Variants in USP24 observed in about 807,000 individuals in gnomAD.
USP24 encodes ubiquitin carboxyl-terminal hydrolase 24.
Under a neutral mutation model 361.6 loss-of-function variants are expected in USP24, and 97 were observed. The observed-to-expected ratio is 0.27, with a 90% CI of 0.23 to 0.32. USP24 has a LOEUF of 0.32. USP24 is among the 10% of genes least tolerant of loss of function. The pLI, the probability that USP24 is intolerant of heterozygous loss-of-function variation, is 1.00. For missense variants in USP24, 2,353 were observed against 3,165.6 expected (o/e 0.74, Z 6.16); for synonymous variants, 1,098 against 1,124.6 (o/e 0.98, Z 0.47).
In USP24 at chr1:55,096,951, C is replaced by T. The variant is rs756546831; in HGVS notation, c.5936+1G>A. ...TAAGTGCTGCCTCAGGAAACTCTTA[C>T]CGCCTGTCCTTAATGAAGGAATAGT... On this transcript the variant is annotated splice_donor_variant, in intron 49 of 67. Transcript: ENST00000294383. LOFTEE classifies it high-confidence loss of function. The T allele has an allele frequency of 6.2e-7, 1 of 1,612,732 alleles. No homozygotes were observed. The highest frequency in any genetic ancestry group is 8.5e-7 in the Non-Finnish European group (1 of 1,179,264).
intron 66 of USP24, 60 bp from the exon 67 acceptor site, chr1:55,071,984 C>A (rs779902870): frequency 6.9e-7 from 1 of 1,439,978 alleles, no homozygotes; most frequent in Non-Finnish European, 9.6e-7. Context: ...CAGCAGCAAC[C>A]GCCAGGGAAG....
At chr1:55,175,506 G>A (rs1172190061) in intron 3 of USP24, among the ~76,000 whole-genome samples, 1 of 152,080 alleles carries the variant, frequency 6.6e-6, no homozygotes, top group East Asian at 1.9e-4. Flanking sequence ...GATTACAGGC[G>A]TGAGCAATTG....
chr1:55,079,534 A>G lies in USP24; in HGVS notation c.7200+4T>C, dbSNP rs749806393. 1.9e-6 allele frequency: 3 copies of G among 1,571,154 alleles called. No homozygotes were observed. The highest frequency in any genetic ancestry group is 1.7e-6 in the Non-Finnish European group (2 of 1,166,272). On this transcript the variant is annotated splice_donor_region_variant and intron_variant, in intron 60 of 67. Transcript: ENST00000294383. ...AAAATGGCTTTAGAATAACAAGTACATACCTCTAACAGGTAAGGTTTCCCT... is the reference window on the plus strand; with the variant it reads ...AAAATGGCTTTAGAATAACAAGTACGTACCTCTAACAGGTAAGGTTTCCCT...
intron 28 of USP24, among the ~76,000 whole-genome samples, chr1:55,137,182 T>C (rs1247877602): frequency 6.6e-6 from 1 of 152,082 alleles, no homozygotes; most frequent in African/African-American, 2.4e-5. Flanking sequence ...TTCAATGAAA[T>C]GTCAAGAAGA....
chr1:55,173,479 C>T (rs979834696), intron 3 of USP24, among the ~76,000 whole-genome samples: 54 of 152,014 alleles, frequency 3.6e-4, no homozygotes, highest in African/African-American at 1.2e-3. Flanking sequence ...AGTGCCAGAA[C>T]AAGAAATGAA....
chr1:55,072,883 A>G, intron 64 of USP24, 22 bp from the exon 65 acceptor site: 3 of 1,584,708 alleles, frequency 1.9e-6, no homozygotes, highest in Non-Finnish European at 1.7e-6. Flanking sequence ...GGAGATTTTT[A>G]TTAGCCAAAT....
rs1570471866 is a variant in USP24 at position 55,125,510 on chromosome 1, T to A, written c.3770A>T (p.Asp1257Val). ...TATACCATCTTTGGTGAGGTCTTCA[T>A]CTAATAACGTGGGCATTGTTTGTCC... Reference protein sequence around the residue: ...LVGQTMPTLLDEDLTKDGIEA... With the variant: ...LVGQTMPTLLVEDLTKDGIEA... The change falls in exon 34 of 68, where the codon GAT (aspartate) becomes GTT (valine). Residue 1257 changes from aspartate to valine, a missense_variant. By Grantham distance (152) the Asp-to-Val change is radical (BLOSUM62 -3). Around this residue, in one of 8 missense-constraint regions of USP24, gnomAD observed 949 missense variants for 1,280.5 expected, o/e 0.74. Coordinates refer to ENST00000294383, the MANE Select transcript of USP24 (RefSeq NM_015306.3). 1.2e-6 allele frequency: 2 copies of A among 1,613,966 alleles called. No homozygotes were observed. Among genetic ancestry groups the A allele is most frequent in the East Asian group, 2.2e-5 (1 of 44,880 alleles).
intron 1 of USP24, among the ~76,000 whole-genome samples, chr1:55,188,244 C>T (rs1355819348): frequency 6.6e-6 from 1 of 152,118 alleles, no homozygotes; most frequent in African/African-American, 2.4e-5. Flanking sequence ...GACCCCACCT[C>T]AAGCCACATA....
chr1:55,165,993 A>T lies in USP24; in HGVS notation c.862-43T>A. The T allele has an allele frequency of 1.9e-6, 3 of 1,555,770 alleles. No individual in the cohort carries two copies. In the South Asian group the frequency reaches 3.6e-5, roughly 19 times the overall value. Reference sequence around the variant, plus strand: ...ACACATTAAGTTATTTTTCTCTTTAATTTTTTTATTTTGAAAAATTTCTAT... The same window carrying T: ...ACACATTAAGTTATTTTTCTCTTTATTTTTTTTATTTTGAAAAATTTCTAT... On this transcript the variant is annotated intron_variant, in intron 6 of 67. Transcript: ENST00000294383.
rs750567864 is a variant in USP24 at position 55,132,586 on chromosome 1, C to A, written c.3496G>T (p.Ala1166Ser). 2.5e-6 allele frequency: 4 copies of A among 1,613,614 alleles called. No homozygotes were observed. The Admixed American group carries it at 6.7e-5, about 27-fold the overall frequency. The change falls in exon 31 of 68, where the codon GCC becomes TCC. Residue 1166 changes from alanine to serine, a missense_variant. Physicochemically the swap from Ala to Ser is moderately conservative, Grantham distance 99 (BLOSUM62 1). Coordinates refer to ENST00000294383, the MANE Select transcript of USP24 (RefSeq NM_015306.3). ...ACTCTGAAGGTAGACATTCCCGGGG[C>A]AAAAGATCGAAACAGACTTTCTAAA... ...SILESLFRSF[A>S]PGMSTFRVLY...
intron 34 of USP24, 60 bp downstream of exon 34, chr1:55,125,260 C>T (rs969319032): frequency 5.2e-6 from 8 of 1,526,564 alleles, no homozygotes; most frequent in African/African-American, 2.7e-5. Flanking sequence ...AGCACCTCTT[C>T]CTAAACAGGA....
In USP24 at chr1:55,120,754, A is replaced by T. The variant is rs1646256791; in HGVS notation, c.4350T>A (p.Ile1450=). 1 of 1,563,954 alleles carries T rather than the reference A, an allele frequency of 6.4e-7. No homozygotes were observed. The highest frequency in any genetic ancestry group is 8.7e-7 in the Non-Finnish European group (1 of 1,154,036). The change falls in exon 38 of 68, where the codon ATT becomes ATA. Residue 1450 remains isoleucine, a splice_region_variant and synonymous_variant. Transcript: ENST00000294383. ...ACAGCTGATCACAGGCAACCCGGCG[A>T]ATCTGAAATTACATGATCAGCAGCA... ...DILLGSPSAE[I]RRVACDQLYT...
intron 16 of USP24, chr1:55,151,840 A>C: frequency 1.1e-6 from 1 of 936,966 alleles, no homozygotes; most frequent in Non-Finnish European, 1.3e-6. Flanking sequence ...AGCAGAGGGA[A>C]GGGTAATCAG....
intron 50 of USP24, 107 bp downstream of exon 50, chr1:55,096,391 T>C (rs538896609): frequency 1.0e-6 from 1 of 1,001,996 alleles, no homozygotes; most frequent in East Asian, 3.1e-5. Context: ...AGTAGTACAA[T>C]AAAAATAACA....
Position 55,162,227 on chromosome 1 carries a change from G to A in USP24, c.965C>T (p.Ala322Val), listed in dbSNP as rs1354693493. Residue 322 changes from alanine (A) to valine (V), a missense_variant, in exon 8 of 68, where the codon GCA becomes GTA. This residue lies in a region of USP24 where 386 missense variants were observed against 560.5 expected (regional missense o/e 0.69). Coordinates refer to ENST00000294383, the MANE Select transcript of USP24 (RefSeq NM_015306.3). Reference protein sequence around the residue: ...SALIQPLGVCAEYLNSSVVQP... With the variant: ...SALIQPLGVCVEYLNSSVVQP... ...TACCACGGAGGAATTGAGGTACTCT[G>A]CACACACTCCTAAGGGCTGAATCAG... 2.5e-6 allele frequency: 4 copies of A among 1,596,348 alleles called. No homozygotes were observed. Among genetic ancestry groups the A allele is most frequent in the African/African-American group, 1.4e-5 (1 of 73,910 alleles).
chr1:55,161,921 C>T (rs1175441193), intron 8 of USP24, among the ~76,000 whole-genome samples: 1 of 151,766 alleles, frequency 6.6e-6, no homozygotes, highest in Non-Finnish European at 1.5e-5. Context: ...GGATATGCTG[C>T]CTACTTTATA....
intron 2 of USP24, among the ~76,000 whole-genome samples, chr1:55,177,086 T>C (rs1156631005): frequency 2.4e-5 from 3 of 126,526 alleles, no homozygotes; most frequent in Non-Finnish European, 5.1e-5. Flanking sequence ...GTCTCAAAAA[T>C]CAAAAACCAA....
chr1:55,071,073 G>A (rs1644910473), intron 67 of USP24: 2 of 935,866 alleles, frequency 2.1e-6, no homozygotes, highest in African/African-American at 1.8e-5. Flanking sequence ...GTAAAATCAG[G>A]GTGACAGCTG....
In USP24 at chr1:55,142,807, T is replaced by A. The variant is rs756799504; in HGVS notation, c.2581-12A>T. 1.3e-6 allele frequency: 2 copies of A among 1,519,388 alleles called. No individual in the cohort carries two copies. The highest frequency in any genetic ancestry group is 2.5e-5 in the South Asian group (2 of 79,632). 94.1% of individuals were successfully genotyped at this position (1,519,388 alleles called of 1,614,324 possible). On this transcript the variant is annotated splice_polypyrimidine_tract_variant and intron_variant, in intron 22 of 67. Transcript: ENST00000294383. Reference sequence around the variant, plus strand: ...AAAGATACTGAATCCTGAAAGAGTATATGGAAATTACAATTAGTCCTTGAC... The same window carrying A: ...AAAGATACTGAATCCTGAAAGAGTAAATGGAAATTACAATTAGTCCTTGAC...
Sources: allele counts gnomAD v4.1 joint callset (sites outside exome capture counted in the v4.1 genomes callset), GRCh38; gene constraint gnomAD v4.1.1; regional missense constraint gnomAD v4.1.1; transcripts MANE v1.5; gene names NCBI Gene and HGNC (gene_info 2026-07-23, HGNC 2026-07-21).